Variants in GPR35 observed in about 807,000 individuals in gnomAD.
GPR35 encodes the protein G protein-coupled receptor 35.
For missense variants in GPR35, 372 were observed against 422.5 expected (o/e 0.88, Z 1.05); for synonymous variants, 207 against 198.4 (o/e 1.04, Z -0.36).
upstream of GPR35, among the ~76,000 whole-genome samples, chr2:240,621,084 C>T (rs2043288109): frequency 1.3e-5 from 2 of 152,150 alleles, no homozygotes; most frequent in African/African-American, 4.8e-5. Flanking sequence ...GAGGTGTACT[C>T]ACATCCTCTC....
At chr2:240,620,070 C>G (rs1559435943) in intron 5 of GPR35, among the ~76,000 whole-genome samples, 2 of 152,188 alleles carry the variant, frequency 1.3e-5, no homozygotes, top group African/African-American at 4.8e-5. Flanking sequence ...CCCTGCTGTC[C>G]AGGGCCAAGA....
At chr2:240,608,779 T>C (rs1468918304) in intron 2 of GPR35, among the ~76,000 whole-genome samples, 1 of 152,200 alleles carries the variant, frequency 6.6e-6, no homozygotes, top group Non-Finnish European at 1.5e-5. Flanking sequence ...GTGTTTCTCC[T>C]TTTTTCTGAT....
At chr2:240,614,938 G>T (rs947213979) in intron 2 of GPR35, among the ~76,000 whole-genome samples, 1 of 152,128 alleles carries the variant, frequency 6.6e-6, no homozygotes, top group Non-Finnish European at 1.5e-5. Flanking sequence ...GTGTGTGCTT[G>T]TGTGTATGCA....
chr2:240,614,577 G>A (rs1362606388), intron 2 of GPR35, among the ~76,000 whole-genome samples: 3 of 152,228 alleles, frequency 2.0e-5, no homozygotes, highest in African/African-American at 4.8e-5. Context: ...CCCTGGTCCT[G>A]AGGAGGACTC....
At chr2:240,626,932 T>C (rs531022517) in intron 1 of GPR35, among the ~76,000 whole-genome samples, 16 of 152,296 alleles carry the variant, frequency 1.1e-4, no homozygotes, top group African/African-American at 3.6e-4. Flanking sequence ...CTCTCCTGGA[T>C]CACTCAGTGC....
upstream of GPR35, among the ~76,000 whole-genome samples, chr2:240,621,885 G>C (rs982754730): frequency 6.6e-6 from 1 of 152,038 alleles, no homozygotes; most frequent in Admixed American, 6.5e-5. Flanking sequence ...AAAGAAAACT[G>C]TCTGTCACGG....
chr2:240,613,220 G>A (rs1261328752), intron 2 of GPR35, among the ~76,000 whole-genome samples: 1 of 152,148 alleles, frequency 6.6e-6, no homozygotes, highest in African/African-American at 2.4e-5. Context: ...AGAAGGAGGA[G>A]GAGAGGGGAC....
upstream of GPR35, among the ~76,000 whole-genome samples, chr2:240,623,316 C>T (rs1410411844): frequency 7.1e-6 from 1 of 140,936 alleles, no homozygotes; most frequent in Non-Finnish European, 1.6e-5. Context: ...AGGGCGCAAA[C>T]AGGTCGTGAG....
rs1433263952 is a variant in GPR35, at chr2:240,629,616, G to A, written c.-4-333G>A. ...GTGGCCCTTTGGGCTCCCTGTCCAG[G>A]ATTTGCGCTCTGGAGGGTAGGGCTT... On this transcript the variant is annotated intron_variant, in intron 1 of 1. Transcript: ENST00000407714. The A allele has an allele frequency of 1.2e-5, 3 of 251,030 alleles. No individual in the cohort carries two copies. In the Admixed American group the frequency reaches 1.5e-4, roughly 12 times the overall value. The allele number at this position is 251,030 out of a possible 1,614,324, so 15.6% of individuals were successfully genotyped here. A position where few individuals can be genotyped will look rare whatever the true frequency, so the allele number is the denominator to read the frequency against.
At chr2:240,626,800 CT>C (rs1337779089) in intron 1 of GPR35, among the ~76,000 whole-genome samples, 1 of 152,100 alleles carries the variant, frequency 6.6e-6, no homozygotes, top group African/African-American at 2.4e-5. Flanking sequence ...TGGTTGGGGC[CT>C]GTGGTCTCAA....
chr2:240,627,044 C>T (rs1401681441), intron 1 of GPR35, among the ~76,000 whole-genome samples: 1 of 152,218 alleles, frequency 6.6e-6, no homozygotes, highest in African/African-American at 2.4e-5. Flanking sequence ...TGGCTCCAAT[C>T]CCCAAAGCCT....
intron 2 of GPR35, among the ~76,000 whole-genome samples, chr2:240,613,636 C>G (rs1277258056): frequency 6.6e-6 from 1 of 152,070 alleles, no homozygotes; most frequent in East Asian, 1.9e-4. Flanking sequence ...CTAACGAAAA[C>G]TCTAACCCTA....
In GPR35 at chr2:240,632,455, G is replaced by A. The variant is rs555929213; in HGVS notation, c.*1573G>A. Among the ~76,000 whole-genome samples, 6 of 150,562 alleles carry A rather than the reference G, an allele frequency of 4.0e-5. No homozygotes were observed. In the South Asian group the frequency reaches 1.3e-3, roughly 32 times the overall value. On this transcript the variant is annotated 3_prime_UTR_variant, in exon 2 of 2. Transcript: ENST00000407714. ...TGCCTAGGAAGATCCATTACCAGAA[G>A]GGCCCATGTCAAGGAGCGTTCATGC... is the stretch of plus-strand genomic sequence containing the variant.
intron 2 of GPR35, among the ~76,000 whole-genome samples, chr2:240,608,730 G>C (rs1289893917): frequency 6.6e-6 from 1 of 152,004 alleles, no homozygotes; most frequent in Non-Finnish European, 1.5e-5. Context: ...GTCCAGTTTT[G>C]GTACAGGGTA....
At chr2:240,605,740 T>C (rs2125472023) in intron 1 of GPR35, among the ~76,000 whole-genome samples, 1 of 152,366 alleles carries the variant, frequency 6.6e-6, no homozygotes, top group Non-Finnish European at 1.5e-5. Flanking sequence ...TCGCTGTCCC[T>C]TGGAGTCTTC....
At position 240,619,246 on chromosome 2, in the gene GPR35, G is replaced by A. The variant is rs1182484529; in HGVS notation, c.-5+215G>A. Among the ~76,000 whole-genome samples the A allele has an allele frequency of 7.2e-5, 11 of 152,270 alleles. No homozygotes were observed. In the East Asian group the frequency reaches 1.7e-3, roughly 24 times the overall value. ...AGAAATGGTGTTGCAGTGAACTTTT[G>A]ATTTGTGTTTCTCTTTTTATGATCG... On this transcript the variant is annotated intron_variant, in intron 5 of 5. Transcript: ENST00000319838.
At chr2:240,610,433 C>T (rs559527635) in intron 2 of GPR35, among the ~76,000 whole-genome samples, 2 of 152,168 alleles carry the variant, frequency 1.3e-5, no homozygotes, top group South Asian at 4.1e-4. Flanking sequence ...AAGTATATAT[C>T]ATATCAGGCA....
intron 4 of GPR35, chr2:240,617,462 G>C: frequency 1.9e-6 from 1 of 540,280 alleles, no homozygotes; most frequent in Non-Finnish European, 3.3e-6. Flanking sequence ...TAACCCTAAT[G>C]CTAGTTTCAT....
At chr2:240,606,990 T>C (rs2043141320) in intron 2 of GPR35, among the ~76,000 whole-genome samples, 1 of 152,132 alleles carries the variant, frequency 6.6e-6, no homozygotes, top group South Asian at 2.1e-4. Flanking sequence ...ATTAAGGTGG[T>C]GTCCTGGGTT....
Sources: allele counts gnomAD v4.1 joint callset (sites outside exome capture counted in the v4.1 genomes callset), GRCh38; gene constraint gnomAD v4.1.1; transcripts MANE v1.5; gene names NCBI Gene and HGNC (gene_info 2026-07-23, HGNC 2026-07-21).